Variants in CYRIA observed in about 807,000 individuals in gnomAD.
CYRIA encodes the protein CYFIP related Rac1 interactor A.
A neutral mutation model predicts 43.9 loss-of-function variants in CYRIA; 15 were observed. The observed-to-expected ratio is 0.34, with a 90% confidence interval of 0.23 to 0.53. The LOEUF is 0.53. CYRIA is among the 20% of genes least tolerant of loss of function. The pLI is 0.94. For missense variants in CYRIA, 236 were observed against 394.2 expected, an observed-to-expected ratio of 0.60 and a Z score of 3.40; for synonymous variants, 117 against 136.0, an observed-to-expected ratio of 0.86 and a Z score of 0.97.
At chr2:16,662,684 C>T (rs1232739632) in intron 1 of CYRIA, among the ~76,000 whole-genome samples, 1 of 152,200 alleles carries the variant, frequency 6.6e-6, no homozygotes, top group Non-Finnish European at 1.5e-5. Flanking sequence ...CTACCCTGCT[C>T]ACAAGGGCTG....
intron 2 of CYRIA, among the ~76,000 whole-genome samples, chr2:16,588,813 T>C (rs1410687819): frequency 1.3e-4 from 20 of 152,080 alleles, no homozygotes; most frequent in Non-Finnish European, 2.9e-5. Flanking sequence ...CCAATGGTAA[T>C]GAGATTGGAT....
intron 1 of CYRIA, among the ~76,000 whole-genome samples, chr2:16,644,304 A>G (rs1007948777): frequency 3.3e-5 from 5 of 152,176 alleles, no homozygotes; most frequent in Non-Finnish European, 7.3e-5. Flanking sequence ...ACACATCCCA[A>G]TTAGTTGCTG....
At chr2:16,610,647 C>T (rs1572503853) in intron 2 of CYRIA, among the ~76,000 whole-genome samples, 1 of 151,990 alleles carries the variant, frequency 6.6e-6, no homozygotes, top group Admixed American at 6.6e-5. Flanking sequence ...AATCCCAAGG[C>T]TTCGGCAGCC....
At chr2:16,557,273 G>T (rs1427929652) in intron 10 of CYRIA, among the ~76,000 whole-genome samples, 1 of 151,990 alleles carries the variant, frequency 6.6e-6, no homozygotes, top group Non-Finnish European at 1.5e-5. Context: ...CTTCTTCAAG[G>T]TCCACCTCAA....
At chr2:16,615,019 A>G (rs1668731874) in intron 2 of CYRIA, among the ~76,000 whole-genome samples, 1 of 152,260 alleles carries the variant, frequency 6.6e-6, no homozygotes, top group Non-Finnish European at 1.5e-5. Context: ...GTTCTTGTCC[A>G]TAAAGGAGCT....
At chr2:16,637,907 C>CT (rs1405699916) in intron 1 of CYRIA, among the ~76,000 whole-genome samples, 1 of 152,196 alleles carries the variant, frequency 6.6e-6, no homozygotes, top group African/African-American at 2.4e-5. Flanking sequence ...ATCCTGAACT[C>CT]TGTGTCCTTC....
At chr2:16,643,163 A>C (rs1669726022) in intron 1 of CYRIA, among the ~76,000 whole-genome samples, 1 of 151,976 alleles carries the variant, frequency 6.6e-6, no homozygotes, top group Non-Finnish European at 1.5e-5. Context: ...TTTTTTCCTT[A>C]ACTGATATGT....
intron 3 of CYRIA, among the ~76,000 whole-genome samples, chr2:16,576,734 A>G (rs1667361276): frequency 1.3e-5 from 2 of 152,202 alleles, no homozygotes; most frequent in African/African-American, 4.8e-5. Context: ...CTTTTATGAT[A>G]ATGTGAAAAA....
chr2:16,612,394 G>C (rs1668635308), intron 2 of CYRIA, among the ~76,000 whole-genome samples: 1 of 151,836 alleles, frequency 6.6e-6, no homozygotes, highest in Non-Finnish European at 1.5e-5. Flanking sequence ...AAGAGGGTGG[G>C]ATGAAGGGAG....
At chr2:16,664,145 G>T (rs1017856298) in intron 1 of CYRIA, among the ~76,000 whole-genome samples, 2 of 152,076 alleles carry the variant, frequency 1.3e-5, no homozygotes, top group Admixed American at 6.5e-5. Context: ...GGCAGTATGC[G>T]CCCACTATGT....
intron 3 of CYRIA, among the ~76,000 whole-genome samples, chr2:16,567,585 G>A (rs773114913): frequency 1.4e-4 from 21 of 152,216 alleles, no homozygotes; most frequent in Non-Finnish European, 2.1e-4. Flanking sequence ...CTCCATGACC[G>A]GAGCCCATGG....
At chr2:16,574,511 T>C (rs1462758795) in intron 3 of CYRIA, among the ~76,000 whole-genome samples, 1 of 152,182 alleles carries the variant, frequency 6.6e-6, no homozygotes, top group African/African-American at 2.4e-5. Flanking sequence ...AACTTTCCCA[T>C]TACAGGCCTG....
Position 16,587,817 on chromosome 2 carries a change from G to C in CYRIA, c.70+233C>G, listed in dbSNP as rs112369030. 2.8e-3 allele frequency among the ~76,000 whole-genome samples: 420 copies of C among 152,126 alleles called. 3 individuals are homozygous for C. The highest frequency in any genetic ancestry group is 9.8e-3 in the African/African-American group (405 of 41,514). On this transcript the variant is annotated intron_variant, in intron 3 of 11. Transcript: ENST00000381323. ...GCCACCATGTAAGACGTCCCTTACT[G>C]TTCCACTATGATTGTGAGGCCTCCT...
Position 16,561,288 on chromosome 2 carries a change from T to C in CYRIA, c.514-11A>G. 2 of 1,587,392 alleles carry C rather than the reference T, an allele frequency of 1.3e-6. No individual in the cohort carries two copies. The highest frequency in any genetic ancestry group is 1.7e-6 in the Non-Finnish European group (2 of 1,156,010). Reference sequence around the variant, plus strand: ...ATTCTCAATGTCTAGCTGATGAAAATAAGAAGAGAAGATGGATTTATAAAG... The same window carrying C: ...ATTCTCAATGTCTAGCTGATGAAAACAAGAAGAGAAGATGGATTTATAAAG... On this transcript the variant is annotated splice_polypyrimidine_tract_variant and intron_variant, in intron 7 of 11. Coordinates refer to ENST00000381323, the MANE Select transcript of CYRIA (RefSeq NM_030797.4).
chr2:16,658,279 G>A (rs1572209528), intron 1 of CYRIA, among the ~76,000 whole-genome samples: 1 of 152,176 alleles, frequency 6.6e-6, no homozygotes, highest in South Asian at 2.1e-4. Context: ...TGTGTTGTCA[G>A]AGAAAGGACA....
intron 2 of CYRIA, among the ~76,000 whole-genome samples, chr2:16,610,897 C>CATATATATATATATATATATATATAT (rs60848949): frequency 3.2e-5 from 3 of 92,594 alleles, no homozygotes; most frequent in Non-Finnish European, 4.6e-5. Context: ...TTAGTCCCAA[C>CATATATATATATATATATATATATAT]ATATATATAT....
intron 1 of CYRIA, among the ~76,000 whole-genome samples, chr2:16,644,510 G>C (rs181745487): frequency 6.6e-6 from 1 of 152,296 alleles, no homozygotes; most frequent in Admixed American, 6.5e-5. Context: ...CTATCACACT[G>C]TCCAGCTGGC....
At chr2:16,665,589 G>C (rs1391587011) in intron 1 of CYRIA, among the ~76,000 whole-genome samples, 191 bp downstream of exon 1, 1 of 151,948 alleles carries the variant, frequency 6.6e-6, no homozygotes, top group East Asian at 1.9e-4. Flanking sequence ...GATCGCTAGA[G>C]AAGGGCTCCC....
intron 1 of CYRIA, among the ~76,000 whole-genome samples, chr2:16,631,241 C>G (rs540554556): frequency 3.3e-5 from 5 of 152,356 alleles, no homozygotes; most frequent in Admixed American, 6.5e-5. Context: ...TAGGAGAGGT[C>G]ATGTCTCATT....
Sources: gnomAD v4.1 joint callset for allele counts (sites outside exome capture counted in the v4.1 genomes callset) on GRCh38, gnomAD v4.1.1 for gene constraint, MANE v1.5 for transcripts, NCBI Gene and HGNC (gene_info 2026-07-23, HGNC 2026-07-21) for gene names.